The following CDYL2 variants were observed in gnomAD, a reference collection of about 807,000 sequenced individuals.
CDYL2 encodes chromodomain Y-like protein 2.
Under a neutral mutation model 49.4 loss-of-function variants are expected in CDYL2, and 23 were observed. That is an observed-to-expected ratio of 0.47 (90% CI 0.34 to 0.66). The LOEUF (loss-of-function observed/expected upper bound fraction) is 0.66, where lower values mean the gene tolerates loss of function less well. Ranked by LOEUF, CDYL2 falls within the 30% of genes least tolerant of loss-of-function variation. The pLI, the probability that CDYL2 is intolerant of heterozygous loss-of-function variation, is 0.01. For missense variants in CDYL2, 678 were observed against 656.4 expected, an observed-to-expected ratio of 1.03 and a Z score of -0.36; for synonymous variants, 360 against 268.8, an observed-to-expected ratio of 1.34 and a Z score of -3.32.
rs60109068 is a variant in CDYL2 at position 80,609,345 on chromosome 16, C to T, written c.1219-1110G>A. Among the ~76,000 whole-genome samples, 1,159 of 152,328 alleles carry T rather than the reference C, an allele frequency of 7.6e-3. 11 individuals carry two copies. The highest frequency in any genetic ancestry group is 0.027 in the African/African-American group (1,104 of 41,568). The stretch of plus-strand genomic sequence containing the variant: ...CCTGCCTCTACATGCTAGCTCCTCT[C>T]GGGTTGACGCTGAAATGCCAGGCAC... On this transcript the variant is annotated intron_variant, in intron 5 of 6. Transcript: ENST00000570137.
At chr16:80,701,533 G>A (rs531193881) in intron 1 of CDYL2, among the ~76,000 whole-genome samples, 5 of 152,112 alleles carry the variant, frequency 3.3e-5, no homozygotes, top group African/African-American at 1.2e-4. Context: ...GGAAAAATGA[G>A]CACATTCCAA....
intron 2 of CDYL2, among the ~76,000 whole-genome samples, chr16:80,682,303 G>T (rs1236247778): frequency 1.3e-5 from 2 of 152,178 alleles, no homozygotes; most frequent in African/African-American, 4.8e-5. Flanking sequence ...GAAGATAAGA[G>T]ATCAGAGAGA....
At chr16:80,638,125 A>G (rs1287468485) in intron 2 of CDYL2, among the ~76,000 whole-genome samples, 1 of 152,042 alleles carries the variant, frequency 6.6e-6, no homozygotes, top group African/African-American at 2.4e-5. Flanking sequence ...CCCAGGCTGG[A>G]GTACAGTGCT....
intron 1 of CDYL2, among the ~76,000 whole-genome samples, chr16:80,786,776 C>T (rs545788702): frequency 5.3e-5 from 8 of 152,194 alleles, no homozygotes; most frequent in East Asian, 3.9e-4. Flanking sequence ...TGTAGGGACA[C>T]GGGTGAAGCC....
At chr16:80,607,858 C>A (rs995649503) in intron 6 of CDYL2, among the ~76,000 whole-genome samples, 11 of 152,232 alleles carry the variant, frequency 7.2e-5, no homozygotes, top group Middle Eastern at 3.2e-3. Context: ...GTATCCATCT[C>A]TCCTGTGAGG....
At chr16:80,654,302 T>C (rs1056191277) in intron 2 of CDYL2, among the ~76,000 whole-genome samples, 1 of 152,208 alleles carries the variant, frequency 6.6e-6, no homozygotes, top group Non-Finnish European at 1.5e-5. Flanking sequence ...GTACACAGCC[T>C]GGACAGGCTC....
chr16:80,758,541 C>CTTTT (rs58565125), intron 1 of CDYL2, among the ~76,000 whole-genome samples: 15 of 117,090 alleles, frequency 1.3e-4, no homozygotes, highest in South Asian at 5.6e-4. Flanking sequence ...TGCTGCAGCA[C>CTTTT]TTTTTTTTTT....
rs1206620500 is a variant in CDYL2, at chr16:80,604,529, T to C, written c.1380A>G (p.Lys460=). 6.2e-7 allele frequency: 1 copy of C among 1,614,206 alleles called. No individual in the cohort carries two copies. The highest frequency in any genetic ancestry group is 8.5e-7 in the Non-Finnish European group (1 of 1,180,038). Residue 460 remains lysine (K), a synonymous_variant, in exon 7 of 7, where the codon AAA becomes AAG. Coordinates refer to ENST00000570137, the MANE Select transcript of CDYL2 (RefSeq NM_152342.4). ...SCSAVVLEES[K]CLVRSFLKSV... is the part of the protein sequence containing the mutation. The stretch of plus-strand genomic sequence containing the variant: ...ATTTCAGGAAGCTCCGCACGAGGCA[T>C]TTGGACTCCTCTAACACCTAGAGGG...
rs577111762 is a variant in CDYL2 at position 80,677,513 on chromosome 16, C to T, written c.616+7025G>A. Among the ~76,000 whole-genome samples the T allele has an allele frequency of 2.6e-3, 401 of 151,808 alleles. 1 individual carries two copies. The highest frequency in any genetic ancestry group is 9.2e-3 in the African/African-American group (381 of 41,454). On this transcript the variant is annotated intron_variant, in intron 2 of 6. Coordinates refer to ENST00000570137, the MANE Select transcript of CDYL2 (RefSeq NM_152342.4). ...CAGCACTTTGGGAGGCTGAGGCGGG[C>T]GGACCACGAGGTCAGGAGATGAGAC...
At chr16:80,745,586 T>C (rs1206055654) in intron 1 of CDYL2, among the ~76,000 whole-genome samples, 1 of 152,166 alleles carries the variant, frequency 6.6e-6, no homozygotes, top group African/African-American at 2.4e-5. Context: ...ATGATGGCTG[T>C]GTACTGTAGG....
intron 1 of CDYL2, among the ~76,000 whole-genome samples, chr16:80,747,123 G>A (rs1004363076): frequency 2.0e-5 from 3 of 152,018 alleles, no homozygotes; most frequent in African/African-American, 7.2e-5. Context: ...GTACTCAAAA[G>A]AAAATCAGCA....
intron 3 of CDYL2, chr16:80,627,470 AT>A (rs1907355331): frequency 6.6e-6 from 1 of 152,226 alleles, no homozygotes; most frequent in African/African-American, 2.4e-5. Flanking sequence ...ATAAATTTGC[AT>A]TTTATTGATA....
At chr16:80,665,837 C>G (rs559454312) in intron 2 of CDYL2, among the ~76,000 whole-genome samples, 8 of 152,304 alleles carry the variant, frequency 5.3e-5, no homozygotes, top group Middle Eastern at 3.4e-3. Flanking sequence ...ACAAAAGTAA[C>G]AGAGTCCACT....
At position 80,754,648 on chromosome 16, in the gene CDYL2, C is replaced by G. The variant is rs376422742; in HGVS notation, c.24+49502G>C. On this transcript the variant is annotated intron_variant, in intron 1 of 6. Coordinates refer to ENST00000570137, the MANE Select transcript of CDYL2 (RefSeq NM_152342.4). Reference sequence around the variant, plus strand: ...CACTTAGCTGTTGTAAGCCTTACTTCCCTTATCAGTAAAATGCAGATGGTA... The same window carrying G: ...CACTTAGCTGTTGTAAGCCTTACTTGCCTTATCAGTAAAATGCAGATGGTA... Among the ~76,000 whole-genome samples the G allele has an allele frequency of 1.2e-4, 18 of 152,268 alleles. No individual in the cohort carries two copies. In the South Asian group the frequency reaches 3.7e-3, roughly 32 times the overall value.
At chr16:80,666,757 T>A (rs1182102682) in intron 2 of CDYL2, among the ~76,000 whole-genome samples, 7 of 152,178 alleles carry the variant, frequency 4.6e-5, no homozygotes, top group African/African-American at 1.7e-4. Context: ...CTTTGACAGA[T>A]GTCAGAAGGG....
At chr16:80,789,717 A>G (rs1429822322) in intron 1 of CDYL2, among the ~76,000 whole-genome samples, 2 of 152,242 alleles carry the variant, frequency 1.3e-5, no homozygotes, top group Non-Finnish European at 2.9e-5. Flanking sequence ...TCCATGGAAT[A>G]TCATGCAGCC....
intron 3 of CDYL2, among the ~76,000 whole-genome samples, chr16:80,629,586 C>T (rs1907460409): frequency 1.3e-5 from 2 of 152,174 alleles, no homozygotes; most frequent in Non-Finnish European, 2.9e-5. Flanking sequence ...TCATCTGTTT[C>T]ACTGACTCTT....
rs1909818529 is a variant in CDYL2 at position 80,677,865 on chromosome 16, A to G, written c.616+6673T>C. On this transcript the variant is annotated intron_variant, in intron 2 of 6. Transcript: ENST00000570137. ...ACGCTACCTGACTTCAAACTATACT[A>G]CAAGGCTACAGTAACCAAAACAGCA... is the stretch of plus-strand genomic sequence containing the variant. 1.3e-5 allele frequency among the ~76,000 whole-genome samples: 2 copies of G among 151,924 alleles called. 1 individual carries two copies. Among genetic ancestry groups the G allele is most frequent in the South Asian group, 4.1e-4 (2 of 4,826 alleles).
intron 1 of CDYL2, among the ~76,000 whole-genome samples, chr16:80,700,796 G>A (rs1281916830): frequency 1.3e-5 from 2 of 152,338 alleles, no homozygotes; most frequent in East Asian, 3.9e-4. Flanking sequence ...ATAGTACATA[G>A]GTTCACATCA....
Sources: allele counts gnomAD v4.1 joint callset (sites outside exome capture counted in the v4.1 genomes callset), GRCh38; gene constraint gnomAD v4.1.1; transcripts MANE v1.5; gene names NCBI Gene and HGNC (gene_info 2026-07-23, HGNC 2026-07-21).